The following ESRRG variants were observed in gnomAD, a reference collection of about 807,000 sequenced individuals.
The protein encoded by ESRRG is estrogen related receptor gamma, also known as estrogen-related receptor gamma.
In ESRRG, 13 loss-of-function variants were observed where a neutral mutation model predicts 44.0. That is an observed-to-expected ratio of 0.30 (90% CI 0.19 to 0.47). The LOEUF (loss-of-function observed/expected upper bound fraction) is 0.47, where lower values mean the gene tolerates loss of function less well. Ranked by LOEUF, ESRRG falls within the 20% of genes least tolerant of loss-of-function variation. The pLI, the probability that ESRRG is intolerant of heterozygous loss-of-function variation, is 1.00. For synonymous variants in ESRRG, 215 were observed against 214.6 expected, an observed-to-expected ratio of 1.00 and a Z score of -0.02; for missense variants, 395 against 580.6, an observed-to-expected ratio of 0.68 and a Z score of 3.29.
At chr1:216,785,705 T>C (rs565313382) in intron 2 of ESRRG, among the ~76,000 whole-genome samples, 12 of 152,230 alleles carry the variant, frequency 7.9e-5, no homozygotes, top group African/African-American at 2.6e-4. Flanking sequence ...TTGTTTTTTT[T>C]GCTCATTTCC....
intron 2 of ESRRG, among the ~76,000 whole-genome samples, chr1:216,899,774 T>C (rs965830589): frequency 6.6e-6 from 1 of 152,148 alleles, no homozygotes; most frequent in Non-Finnish European, 1.5e-5. Flanking sequence ...AGACAGGGAA[T>C]GTTTGGCTAA....
intron 3 of ESRRG, among the ~76,000 whole-genome samples, chr1:216,630,209 T>C (rs1241964938): frequency 6.6e-6 from 1 of 152,180 alleles, no homozygotes; most frequent in Non-Finnish European, 1.5e-5. Flanking sequence ...TTTATGAATT[T>C]TCGTTTGTTA....
At chr1:216,677,049 G>C in intron 2 of ESRRG, 27 bp downstream of exon 2, 1 of 1,581,224 alleles carries the variant, frequency 6.3e-7, no homozygotes, top group Non-Finnish European at 8.7e-7. Context: ...TGGAAGTGGG[G>C]AGAGTATTCC....
At chr1:217,077,308 G>T (rs926101389) in intron 1 of ESRRG, among the ~76,000 whole-genome samples, 4 of 152,164 alleles carry the variant, frequency 2.6e-5, no homozygotes, top group Non-Finnish European at 2.9e-5. Context: ...AAGTATTGTT[G>T]CATATTAAAA....
chr1:216,535,682 T>C (rs1222889515), intron 5 of ESRRG, among the ~76,000 whole-genome samples: 1 of 152,014 alleles, frequency 6.6e-6, no homozygotes, highest in Non-Finnish European at 1.5e-5. Flanking sequence ...ACTTGGCCCC[T>C]CTCCATTTCT....
At chr1:216,992,883 A>G (rs569175659) in intron 1 of ESRRG, among the ~76,000 whole-genome samples, 1 of 152,300 alleles carries the variant, frequency 6.6e-6, no homozygotes, top group South Asian at 2.1e-4. Flanking sequence ...GTCTTTGTTC[A>G]GCAAGTCACT....
intron 1 of ESRRG, among the ~76,000 whole-genome samples, chr1:217,064,201 A>G (rs1044447199): frequency 6.9e-6 from 1 of 145,436 alleles, no homozygotes; most frequent in Admixed American, 6.8e-5. Context: ...TATATATTGT[A>G]TGTGTATATA....
intron 1 of ESRRG, among the ~76,000 whole-genome samples, chr1:216,942,157 C>T (rs528927826): frequency 1.9e-4 from 28 of 149,394 alleles, no homozygotes; most frequent in African/African-American, 6.4e-4. Flanking sequence ...TAAGTAAGAA[C>T]ATGTAATATT....
chr1:216,559,252 C>G (rs1397153332), intron 5 of ESRRG, among the ~76,000 whole-genome samples: 1 of 152,148 alleles, frequency 6.6e-6, no homozygotes, highest in Non-Finnish European at 1.5e-5. Flanking sequence ...TTCCACTTAA[C>G]TAAAAGACTT....
chr1:216,925,482 G>A (rs2062420483), intron 2 of ESRRG, among the ~76,000 whole-genome samples: 3 of 152,150 alleles, frequency 2.0e-5, no homozygotes, highest in Admixed American at 1.3e-4. Context: ...TGAGACAAGC[G>A]AGACAGCAGC....
At chr1:216,528,239 T>G (rs2048273527) in intron 5 of ESRRG, among the ~76,000 whole-genome samples, 1 of 152,220 alleles carries the variant, frequency 6.6e-6, no homozygotes, top group Non-Finnish European at 1.5e-5. Flanking sequence ...TAATGCTCTT[T>G]TCTTATAAGT....
chr1:216,670,155 A>T (rs2074876379), intron 2 of ESRRG, among the ~76,000 whole-genome samples: 1 of 152,228 alleles, frequency 6.6e-6, no homozygotes, highest in Non-Finnish European at 1.5e-5. Context: ...GAAAGTTCAT[A>T]TCATGTACAC....
chr1:216,731,762 C>G (rs1575862961), intron 2 of ESRRG, among the ~76,000 whole-genome samples: 2 of 152,216 alleles, frequency 1.3e-5, no homozygotes, highest in East Asian at 3.8e-4. Context: ...GAGGCCTGTA[C>G]TCAGGACATT....
intron 1 of ESRRG, among the ~76,000 whole-genome samples, chr1:216,689,961 C>A (rs61817045): frequency 6.6e-6 from 1 of 151,682 alleles, no homozygotes; most frequent in Non-Finnish European, 1.5e-5. Flanking sequence ...TTCATAAGAC[C>A]GACAACAATA....
chr1:216,532,560 G>T (rs958475237), intron 5 of ESRRG, among the ~76,000 whole-genome samples: 2 of 152,210 alleles, frequency 1.3e-5, no homozygotes, highest in African/African-American at 4.8e-5. Flanking sequence ...TGGCCGCAAT[G>T]ACTATTTTGT....
At chr1:216,852,829 C>G (rs2148999219) in intron 2 of ESRRG, among the ~76,000 whole-genome samples, 1 of 150,904 alleles carries the variant, frequency 6.6e-6, no homozygotes, top group South Asian at 2.1e-4. Flanking sequence ...TTCTTCCCAC[C>G]AGGGCTCTTT....
At chr1:216,792,989 A>G (rs2148124723) in intron 2 of ESRRG, among the ~76,000 whole-genome samples, 1 of 152,308 alleles carries the variant, frequency 6.6e-6, no homozygotes, top group South Asian at 2.1e-4. Flanking sequence ...AATCAGAATC[A>G]TGCAATACAG....
At chr1:216,651,190 C>A in intron 2 of ESRRG, 101 bp from the exon 3 acceptor site, 1 of 746,406 alleles carries the variant, frequency 1.3e-6, no homozygotes, top group East Asian at 2.5e-5. Context: ...CTCTCCCACC[C>A]CAAAAAATGT....
intron 2 of ESRRG, among the ~76,000 whole-genome samples, chr1:216,732,005 T>A (rs1348477096): frequency 2.6e-5 from 4 of 151,646 alleles, no homozygotes; most frequent in African/African-American, 9.7e-5. Flanking sequence ...AACAAAGAAA[T>A]TTTTTTTTAA....
Sources: allele counts gnomAD v4.1 joint callset (sites outside exome capture counted in the v4.1 genomes callset), GRCh38; gene constraint gnomAD v4.1.1; transcripts MANE v1.5; gene names NCBI Gene and HGNC (gene_info 2026-07-23, HGNC 2026-07-21).